The following PARP11 variants were observed in gnomAD, a reference collection of about 807,000 sequenced individuals.
PARP11 encodes poly(ADP-ribose) polymerase family member 11.
Under a neutral mutation model 42.9 loss-of-function variants are expected in PARP11, and 31 were observed. The ratio of observed to expected loss-of-function variants is 0.72; its 90% CI spans 0.54 to 0.98. The LOEUF (loss-of-function observed/expected upper bound fraction) is 0.98, where lower values mean the gene tolerates loss of function less well. Among genes scored for constraint, PARP11 ranks in the 50% least tolerant of loss-of-function variants. The pLI, the probability that PARP11 is intolerant of heterozygous loss-of-function variation, is 0.00. For synonymous variants in PARP11, 137 were observed against 127.3 expected (o/e 1.08, Z -0.51); for missense variants, 365 against 413.1 (o/e 0.88, Z 1.01).
At chr12:3,858,412 C>T (rs1346780509) in intron 1 of PARP11, among the ~76,000 whole-genome samples, 1 of 152,116 alleles carries the variant, frequency 6.6e-6, no homozygotes, top group African/African-American at 2.4e-5. Context: ...TGCATTCATA[C>T]CAAACAAGAA....
rs2138002821 is a variant in PARP11 at position 3,812,264 on chromosome 12, G to A, written c.876C>T (p.Ser292=). ...VLIGDYINGD[S]KYMRPPSKDG... ...CTTTGGAAGGAGGTCGCATGTATTT[G>A]GAGTCTCCGTTTATGTAATCTCCAA... The change falls in exon 8 of 8, where the codon TCC becomes TCT. Residue 292 remains serine (S), a synonymous_variant. Transcript: ENST00000228820. 3.1e-6 allele frequency: 5 copies of A among 1,614,162 alleles called. No homozygotes were observed. The highest frequency in any genetic ancestry group is 2.2e-5 in the East Asian group (1 of 44,884).
Position 3,840,834 on chromosome 12 carries a change from G to A in PARP11, c.19-10816C>T. On this transcript the variant is annotated intron_variant, in intron 1 of 7. Coordinates refer to ENST00000228820, the MANE Select transcript of PARP11 (RefSeq NM_020367.6). The surrounding 1 kb of genome is among the most constrained non-coding windows in gnomAD (Gnocchi z 4.4). Reference sequence around the variant, plus strand: ...CACCATCAAAGTCAAAGAAGTTAGAGTGCCCTTCTCCTGCAGAACAAAAGC... The same window carrying A: ...CACCATCAAAGTCAAAGAAGTTAGAATGCCCTTCTCCTGCAGAACAAAAGC... The A allele has an allele frequency of 6.3e-7, 1 of 1,596,060 alleles. No individual in the cohort carries two copies. Among genetic ancestry groups the A allele is most frequent in the Non-Finnish European group, 8.6e-7 (1 of 1,163,512 alleles).
chr12:3,866,677 A>G lies in PARP11; in HGVS notation c.18+6535T>C, dbSNP rs188888223. ...TCAGATTATTTTTCACACAAAGCAC[A>G]AAGTCCATTTGCTTTGTTAATAAGG... On this transcript the variant is annotated intron_variant, in intron 1 of 7. Transcript: ENST00000228820. Among the ~76,000 whole-genome samples, 8 of 152,318 alleles carry G rather than the reference A, an allele frequency of 5.3e-5. No homozygotes were observed. In the East Asian group the frequency reaches 1.4e-3, roughly 26 times the overall value.
Position 3,814,047 on chromosome 12 carries a change from G to A in PARP11, c.690C>T (p.Val230=). 1 of 1,556,098 alleles carries A rather than the reference G, an allele frequency of 6.4e-7. No homozygotes were observed. The highest frequency in any genetic ancestry group is 1.2e-5 in the South Asian group (1 of 81,156). Reference sequence around the variant, plus strand: ...AATTCTGATAATTACCTTTTCCAAAGACAGCACCATGTATACCATTTATTC... The same window carrying A: ...AATTCTGATAATTACCTTTTCCAAAAACAGCACCATGTATACCATTTATTC... The part of the protein sequence containing the change: ...DWRINGIHGA[V]FGKGTYFARD... The change falls in exon 7 of 8, where the codon GTC becomes GTT. Residue 230 remains valine (V), a synonymous_variant. Transcript: ENST00000228820.
intron 1 of PARP11, chr12:3,832,271 AT>A (rs1393342213): frequency 5.2e-6 from 1 of 194,050 alleles, no homozygotes; most frequent in Non-Finnish European, 9.4e-6. Flanking sequence ...AAATTACACT[AT>A]TTTTTTCGTC....
chr12:3,840,414 A>C lies in PARP11; in HGVS notation c.19-10396T>G. ...CAAAGAATCCAAGCAAGCCAATAAA[A>C]GCCCCATTAGCACTACCTCCTCGAC... is the stretch of plus-strand genomic sequence containing the variant. On this transcript the variant is annotated intron_variant, in intron 1 of 7. Transcript: ENST00000228820. The surrounding 1 kb of genome is among the most constrained non-coding windows in gnomAD (Gnocchi z 4.4). 1 of 1,613,356 alleles carries C rather than the reference A, an allele frequency of 6.2e-7. No homozygotes were observed. The highest frequency in any genetic ancestry group is 1.3e-5 in the African/African-American group (1 of 75,036).
In PARP11 at chr12:3,835,175, A is replaced by G. The variant is rs12304669; in HGVS notation, c.19-5157T>C. ...TATAATAGCAGCCACCAAGCCACAC[A>G]CACATTTAACACTTAAGGGTAAAAA... is the stretch of plus-strand genomic sequence containing the variant. On this transcript the variant is annotated intron_variant, in intron 1 of 7. Transcript: ENST00000228820. Among the ~76,000 whole-genome samples the G allele has an allele frequency of 8.4e-3, 1,272 of 152,294 alleles. 24 individuals are homozygous for G. The highest frequency in any genetic ancestry group is 0.029 in the African/African-American group (1,199 of 41,554).
intron 3 of PARP11, among the ~76,000 whole-genome samples, chr12:3,827,709 T>C (rs533552044): frequency 6.6e-6 from 1 of 152,276 alleles, no homozygotes; most frequent in Non-Finnish European, 1.5e-5. Context: ...TAATAATTAT[T>C]GCATATTTGG....
intron 1 of PARP11, among the ~76,000 whole-genome samples, chr12:3,850,236 A>C (rs1390168221): frequency 1.3e-5 from 2 of 152,126 alleles, no homozygotes; most frequent in African/African-American, 4.8e-5. Context: ...AATTATGTAA[A>C]GTAATAATAA....
chr12:3,835,627 C>T lies in PARP11; in HGVS notation c.19-5609G>A, dbSNP rs979898988. Among the ~76,000 whole-genome samples, 12 of 152,082 alleles carry T rather than the reference C, an allele frequency of 7.9e-5. No homozygotes were observed. The East Asian group carries it at 2.3e-3, about 29-fold the overall frequency. On this transcript the variant is annotated intron_variant, in intron 1 of 7. Transcript: ENST00000228820. ...GCTCAAAGACATAAATGAAACTTTG[C>T]TTAACAGGTTAAGGGAAATTATGAT...
intron 1 of PARP11, 99 bp from the exon 2 acceptor site, chr12:3,830,117 G>T: frequency 1.9e-6 from 2 of 1,064,932 alleles, no homozygotes; most frequent in Non-Finnish European, 2.8e-6. Flanking sequence ...TGGTATTCAA[G>T]TGTCTTTCCT....
intron 1 of PARP11, among the ~76,000 whole-genome samples, chr12:3,850,769 CAGAA>C: frequency 6.6e-6 from 1 of 152,182 alleles, no homozygotes; most frequent in South Asian, 2.1e-4. Flanking sequence ...ATCTACAAAA[CAGAA>C]AGTCAAGCTG....
chr12:3,863,533 A>AT (rs980020663), intron 1 of PARP11, among the ~76,000 whole-genome samples: 34 of 152,232 alleles, frequency 2.2e-4, no homozygotes, highest in African/African-American at 7.7e-4. Context: ...AGGGTTGATG[A>AT]TTTCCTAGGA....
chr12:3,864,809 G>A (rs1382136338), intron 1 of PARP11, among the ~76,000 whole-genome samples: 1 of 151,972 alleles, frequency 6.6e-6, no homozygotes, highest in Non-Finnish European at 1.5e-5. Context: ...CTGATCTGCT[G>A]GGCTAGAAAT....
intron 1 of PARP11, chr12:3,841,665 G>A (rs933410175): frequency 3.1e-6 from 5 of 1,613,544 alleles, no homozygotes; most frequent in Non-Finnish European, 4.2e-6. Context: ...AAGAGTCACT[G>A]AGTGGCAAGA....
At chr12:3,844,853 T>G (rs1947967852) in intron 1 of PARP11, among the ~76,000 whole-genome samples, 1 of 152,240 alleles carries the variant, frequency 6.6e-6, no homozygotes, top group Non-Finnish European at 1.5e-5. Context: ...CCTTTAAGTT[T>G]GTTTTTAAAT....
At chr12:3,832,416 A>AG (rs1947662040) in intron 1 of PARP11, among the ~76,000 whole-genome samples, 1 of 152,210 alleles carries the variant, frequency 6.6e-6, no homozygotes, top group African/African-American at 2.4e-5. Context: ...GCAACACCTA[A>AG]GGCCTCCTGA....
At chr12:3,823,813 G>A (rs531127102) in intron 4 of PARP11, among the ~76,000 whole-genome samples, 25 of 151,994 alleles carry the variant, frequency 1.6e-4, no homozygotes, top group African/African-American at 6.0e-4. Context: ...CTACTCGGGA[G>A]GCTGAGACAG....
At chr12:3,842,319 C>A (rs1202971067) in intron 1 of PARP11, 3 of 1,604,102 alleles carry the variant, frequency 1.9e-6, no homozygotes, top group Non-Finnish European at 2.6e-6. Context: ...CTTATGGGAG[C>A]AGGAAGTACA....
Sources: allele counts gnomAD v4.1 joint callset (sites outside exome capture counted in the v4.1 genomes callset), GRCh38; gene constraint gnomAD v4.1.1; non-coding constraint Gnocchi (gnomAD v3.1); transcripts MANE v1.5; gene names NCBI Gene and HGNC (gene_info 2026-07-23, HGNC 2026-07-21).